Variants in ADGRL2 observed in about 807,000 individuals in gnomAD.
ADGRL2 encodes calcium-independent alpha-latrotoxin receptor 2.
Under a neutral mutation model 157.4 loss-of-function variants are expected in ADGRL2, and 44 were observed. The ratio of observed to expected loss-of-function variants is 0.28; its 90% confidence interval spans 0.22 to 0.36. ADGRL2 has a LOEUF of 0.36. ADGRL2 is among the 10% of genes least tolerant of loss of function. The pLI, the probability that ADGRL2 is intolerant of heterozygous loss-of-function variation, is 1.00. For synonymous variants in ADGRL2, 585 were observed against 624.7 expected (o/e 0.94, Z 0.95); for missense variants, 1,510 against 1,768.9 (o/e 0.85, Z 2.63).
chr1:81,848,133 T>C (rs914178780), intron 2 of ADGRL2, among the ~76,000 whole-genome samples: 26 of 151,826 alleles, frequency 1.7e-4, no homozygotes, highest in African/African-American at 5.3e-4. Context: ...GGCAAAGATA[T>C]AGGGTACTGA....
chr1:81,348,820 C>T (rs2100817844), intron 1 of ADGRL2, among the ~76,000 whole-genome samples: 1 of 152,272 alleles, frequency 6.6e-6, no homozygotes, highest in Admixed American at 6.5e-5. Context: ...ATTATATAAA[C>T]CAACCATCTG....
At chr1:81,306,512 A>G (rs1421189395) in intron 1 of ADGRL2, 4 of 152,050 alleles carry the variant, frequency 2.6e-5, no homozygotes, top group Non-Finnish European at 4.4e-5. Flanking sequence ...TTTTCAAGGT[A>G]GGAAGTCTGA....
upstream of ADGRL2, among the ~76,000 whole-genome samples, chr1:81,800,784 C>G (rs1487734405): frequency 6.7e-6 from 1 of 148,502 alleles, no homozygotes; most frequent in Non-Finnish European, 1.5e-5. Flanking sequence ...TGGGGGTGGG[C>G]TAGGGGTTAG....
chr1:81,493,966 A>G (rs2078683245), intron 2 of ADGRL2, among the ~76,000 whole-genome samples: 1 of 152,148 alleles, frequency 6.6e-6, no homozygotes, highest in Admixed American at 6.6e-5. Context: ...AATGTGGGTG[A>G]GTAGGACAAG....
At chr1:81,585,099 A>G (rs186576748) in intron 3 of ADGRL2, among the ~76,000 whole-genome samples, 3 of 152,276 alleles carry the variant, frequency 2.0e-5, no homozygotes, top group Non-Finnish European at 4.4e-5. Flanking sequence ...AGAAATAGCT[A>G]AAAGGAAAGA....
At position 81,543,705 on chromosome 1, in the gene ADGRL2, A is replaced by G. The variant is rs182084971; in HGVS notation, c.-247-37171A>G. Among the ~76,000 whole-genome samples the G allele has an allele frequency of 1.4e-3, 218 of 152,218 alleles. 1 individual carries two copies. Among genetic ancestry groups the G allele is most frequent in the Non-Finnish European group, 2.5e-3 (168 of 68,014 alleles). ...GACAGTCTATTTTCAAGAGGCAGTCAACAACACCCCTTAAAAATCTGCAAA... is the reference window on the plus strand; with the variant it reads ...GACAGTCTATTTTCAAGAGGCAGTCGACAACACCCCTTAAAAATCTGCAAA... On this transcript the variant is annotated intron_variant, in intron 2 of 24. Coordinates refer to the ADGRL2 transcript ENST00000370721.
chr1:81,990,719 C>T lies in ADGRL2; in HGVS notation c.3984C>T (p.Leu1328=), dbSNP rs1267294296. ...ACAGCGACAACCCAGGGCTGGAGCTCCATCACAAAGAACTCGAGGCACCAC... is the reference window on the plus strand; with the variant it reads ...ACAGCGACAACCCAGGGCTGGAGCTTCATCACAAAGAACTCGAGGCACCAC... ...LMHSDNPGLE[L]HHKELEAPLI... is the part of the protein sequence containing the mutation. The change falls in exon 24 of 24, where the codon CTC becomes CTT. Residue 1328 remains leucine, a synonymous_variant. Coordinates refer to ENST00000686636, the MANE Select transcript of ADGRL2 (RefSeq NM_001366006.2). The T allele has an allele frequency of 3.1e-6, 5 of 1,614,104 alleles. No homozygotes were observed. Among genetic ancestry groups the T allele is most frequent in the Non-Finnish European group, 4.2e-6 (5 of 1,180,016 alleles).
chr1:81,817,298 A>G (rs889343147), intron 1 of ADGRL2, among the ~76,000 whole-genome samples: 2 of 150,110 alleles, frequency 1.3e-5, no homozygotes, highest in Non-Finnish European at 3.0e-5. Context: ...GGTAAGATTT[A>G]TGAATAGATT....
intron 1 of ADGRL2, among the ~76,000 whole-genome samples, chr1:81,807,993 C>A (rs1158422799): frequency 6.7e-6 from 1 of 149,746 alleles, no homozygotes; most frequent in Non-Finnish European, 1.5e-5. Context: ...CTATATTTGA[C>A]AAATAAACAT....
intron 1 of ADGRL2, among the ~76,000 whole-genome samples, chr1:81,346,648 A>G (rs1662503000): frequency 6.6e-6 from 1 of 152,182 alleles, no homozygotes; most frequent in South Asian, 2.1e-4. Context: ...CCTCCATATG[A>G]TGGCACAATG....
At chr1:81,806,684 G>T (rs1487869595) in intron 1 of ADGRL2, among the ~76,000 whole-genome samples, 2 of 152,054 alleles carry the variant, frequency 1.3e-5, no homozygotes, top group African/African-American at 4.8e-5. Context: ...ATTGACAGTT[G>T]TAGGTGGAAT....
At chr1:81,540,120 G>A (rs1204780287) in intron 2 of ADGRL2, among the ~76,000 whole-genome samples, 1 of 152,114 alleles carries the variant, frequency 6.6e-6, no homozygotes, top group Non-Finnish European at 1.5e-5. Flanking sequence ...TGAGTAAAGG[G>A]GAGGTGAATA....
At chr1:81,429,499 C>T (rs974817327) in intron 1 of ADGRL2, among the ~76,000 whole-genome samples, 4 of 152,134 alleles carry the variant, frequency 2.6e-5, no homozygotes, top group Non-Finnish European at 5.9e-5. Flanking sequence ...ACGATTCAGC[C>T]CACTAGCCAT....
chr1:81,898,688 A>G (rs2094436866), intron 2 of ADGRL2, among the ~76,000 whole-genome samples: 1 of 152,162 alleles, frequency 6.6e-6, no homozygotes, highest in African/African-American at 2.4e-5. Context: ...TGCAGAGATG[A>G]GTGAAAAAGT....
chr1:81,655,183 G>A (rs955424475), intron 3 of ADGRL2, among the ~76,000 whole-genome samples: 1 of 152,144 alleles, frequency 6.6e-6, no homozygotes, highest in African/African-American at 2.4e-5. Flanking sequence ...TCTATTTTTA[G>A]TAGAGACGGG....
intron 2 of ADGRL2, among the ~76,000 whole-genome samples, chr1:81,556,406 C>T (rs1169777655): frequency 6.7e-6 from 1 of 149,430 alleles, no homozygotes; most frequent in African/African-American, 2.5e-5. Flanking sequence ...GCAACCTCCA[C>T]CTCCTGGGTT....
intron 23 of ADGRL2, among the ~76,000 whole-genome samples, chr1:81,988,181 C>G (rs1306866724): frequency 6.6e-6 from 1 of 152,152 alleles, no homozygotes; most frequent in Non-Finnish European, 1.5e-5. Context: ...ATTGACTTAT[C>G]ATTTCTGCAT....
Position 81,990,568 on chromosome 1 carries a change from T to C in ADGRL2, c.3833T>C (p.Val1278Ala), listed in dbSNP as rs112208338. The change falls in exon 24 of 24, where the codon GTG (valine) becomes GCG (alanine). Residue 1278 changes from valine (V) to alanine (A), a missense_variant. Val to Ala is a moderately conservative substitution (Grantham distance 64). Transcript: ENST00000686636. ...AFEKMIISEL[V>A]HNNLRGSSKT... ...GAGAAAATGATCATTTCAGAATTAG[T>C]GCACAACAACTTACGGGGCAGCAGC... 1.9e-6 allele frequency: 3 copies of C among 1,614,164 alleles called. No individual in the cohort carries two copies. The highest frequency in any genetic ancestry group is 2.5e-6 in the Non-Finnish European group (3 of 1,180,020).
intron 3 of ADGRL2, among the ~76,000 whole-genome samples, chr1:81,934,421 C>T (rs1328657204): frequency 6.6e-6 from 1 of 151,954 alleles, no homozygotes; most frequent in African/African-American, 2.4e-5. Flanking sequence ...TATATTCATT[C>T]ATCCAATTAC....
Sources: gnomAD v4.1 joint callset for allele counts (sites outside exome capture counted in the v4.1 genomes callset) on GRCh38, gnomAD v4.1.1 for gene constraint, MANE v1.5 for transcripts, NCBI Gene and HGNC (gene_info 2026-07-23, HGNC 2026-07-21) for gene names.